Variants in DIAPH2 observed in about 807,000 individuals in gnomAD.
DIAPH2 encodes the protein protein diaphanous homolog 2.
DIAPH2 carries 35 observed loss-of-function variants against 92.7 expected under a neutral mutation model. The observed-to-expected ratio is 0.38, with a 90% CI of 0.29 to 0.50. DIAPH2 has a LOEUF of 0.50. Among genes scored for constraint, DIAPH2 ranks in the 20% least tolerant of loss-of-function variants. The pLI is 0.94. For synonymous variants in DIAPH2, 301 were observed against 280.4 expected, an observed-to-expected ratio of 1.07 and a Z score of -0.73; for missense variants, 701 against 819.5, an observed-to-expected ratio of 0.86 and a Z score of 1.77.
At chrX:96,961,889 G>C (rs945481027) in intron 16 of DIAPH2, among the ~76,000 whole-genome samples, 1 of 109,563 alleles carries the variant, frequency 9.1e-6, no homozygotes, top group South Asian at 3.9e-4. Flanking sequence ...GAAGATACTC[G>C]ATATGATTTT....
At chrX:96,911,252 TG>T (rs2065466952) in intron 5 of DIAPH2, among the ~76,000 whole-genome samples, 1 of 111,228 alleles carries the variant, frequency 9.0e-6, no homozygotes, top group Non-Finnish European at 1.9e-5. Context: ...AGAATGAAGT[TG>T]GGGAATCACC....
intron 1 of DIAPH2, among the ~76,000 whole-genome samples, chrX:96,724,040 C>T (rs1040491647): frequency 1.8e-4 from 19 of 106,479 alleles, no homozygotes; most frequent in African/African-American, 5.9e-4. Context: ...TCTCCTGCCT[C>T]GGCCTCCCAA....
chrX:97,287,017 C>T (rs768248849), intron 23 of DIAPH2, among the ~76,000 whole-genome samples: 12 of 111,562 alleles, frequency 1.1e-4, no homozygotes, highest in African/African-American at 3.9e-4. Flanking sequence ...CTCTTTTCCT[C>T]CACTACATTT....
intron 23 of DIAPH2, among the ~76,000 whole-genome samples, chrX:97,297,293 A>G (rs190565747): frequency 2.7e-4 from 30 of 109,281 alleles, no homozygotes; most frequent in Admixed American, 2.6e-3. Flanking sequence ...GGAGACCTTC[A>G]TTTAGCAGCT....
At chrX:97,011,109 CA>C (rs1237886965) in intron 17 of DIAPH2, among the ~76,000 whole-genome samples, 1 of 112,128 alleles carries the variant, frequency 8.9e-6, no homozygotes, top group African/African-American at 3.2e-5. Context: ...CTGTAATTCC[CA>C]TATTTGCCTA....
chrX:97,136,535 CATG>C (rs1214715352), intron 21 of DIAPH2, among the ~76,000 whole-genome samples: 1 of 111,389 alleles, frequency 9.0e-6, no homozygotes, highest in Non-Finnish European at 1.9e-5. Context: ...AAGGGAGTGA[CATG>C]ATCATATATA....
chrX:97,025,078 C>T (rs995087277), intron 17 of DIAPH2, among the ~76,000 whole-genome samples: 5 of 112,156 alleles, frequency 4.5e-5, no homozygotes, highest in Admixed American at 3.8e-4. Context: ...AGGCTGGGTG[C>T]GGTGGCTCAC....
chrX:97,351,307 C>G (rs1174773025), intron 24 of DIAPH2, among the ~76,000 whole-genome samples: 2 of 112,361 alleles, frequency 1.8e-5, no homozygotes, highest in Non-Finnish European at 3.8e-5. Flanking sequence ...ACTATCCTTT[C>G]CATTAACTAC....
At chrX:97,108,633 G>A (rs2066958575) in intron 20 of DIAPH2, among the ~76,000 whole-genome samples, 1 of 111,605 alleles carries the variant, frequency 9.0e-6, no homozygotes, top group Admixed American at 9.5e-5. Flanking sequence ...AAATTCTGTG[G>A]TTATGATCAA....
At position 97,411,961 on chromosome X, in the gene DIAPH2, T is replaced by TG. The variant is rs2069879398; in HGVS notation, c.3146-17689_3146-17688insG. The stretch of plus-strand genomic sequence containing the variant: ...TCCCACACAATAATAATGGGAGACT[T>TG]TAACACCCCACTGTCAATATTAGAC... On this transcript the variant is annotated intron_variant, in intron 25 of 26. Transcript: ENST00000324765. Among the ~76,000 whole-genome samples, 4 of 111,298 alleles carry TG rather than the reference T, an allele frequency of 3.6e-5. No individual in the cohort carries two copies. The South Asian group carries it at 1.5e-3, about 43-fold the overall frequency.
At chrX:96,704,857 A>G (rs2063874807) in intron 1 of DIAPH2, among the ~76,000 whole-genome samples, 1 of 111,277 alleles carries the variant, frequency 9.0e-6, no homozygotes, top group African/African-American at 3.3e-5. Context: ...TAGGAACAGG[A>G]AAGATTAATA....
intron 23 of DIAPH2, among the ~76,000 whole-genome samples, chrX:97,300,930 T>TCAAAAAAAA (rs2068693109): frequency 1.2e-4 from 1 of 8,591 alleles, no homozygotes; most frequent in African/African-American, 3.9e-4. Flanking sequence ...AGACTCCGTC[T>TCAAAAAAAA]TAAAAAAAAA....
At chrX:97,067,562 A>T (rs1032509046) in intron 17 of DIAPH2, among the ~76,000 whole-genome samples, 1 of 111,811 alleles carries the variant, frequency 8.9e-6, no homozygotes, top group Non-Finnish European at 1.9e-5. Context: ...CCAGCATTAG[A>T]TTCCTCCTCT....
intron 4 of DIAPH2, among the ~76,000 whole-genome samples, chrX:96,806,237 C>G (rs1304262024): frequency 8.9e-6 from 1 of 111,902 alleles, no homozygotes; most frequent in East Asian, 2.8e-4. Flanking sequence ...GGGAATTTTC[C>G]TTTTACTTAT....
intron 26 of DIAPH2, chrX:97,469,860 T>C: frequency 9.0e-7 from 1 of 1,107,024 alleles, no homozygotes; most frequent in Non-Finnish European, 1.2e-6. Flanking sequence ...TGGTGCTCTT[T>C]TCTTTCTGCC....
intron 25 of DIAPH2, among the ~76,000 whole-genome samples, chrX:97,384,301 T>C (rs1003810283): frequency 8.1e-5 from 9 of 111,651 alleles, no homozygotes; most frequent in African/African-American, 2.9e-4. Flanking sequence ...TAGTATATTA[T>C]ATTCTGGATG....
At chrX:96,903,044 C>A (rs1340418994) in intron 5 of DIAPH2, among the ~76,000 whole-genome samples, 4 of 109,968 alleles carry the variant, frequency 3.6e-5, no homozygotes, top group African/African-American at 9.9e-5. Flanking sequence ...TTTGGCACTG[C>A]ACCTGGTAGG....
At chrX:96,853,687 A>G (rs6615873) in intron 4 of DIAPH2, among the ~76,000 whole-genome samples, 14,097 of 111,465 alleles carry the variant, frequency 0.13, 706 homozygotes, top group East Asian at 0.32. Context: ...CAGCTGTAAA[A>G]CTTTCTTAAG....
At chrX:97,462,930 A>G (rs1377242059) in intron 26 of DIAPH2, among the ~76,000 whole-genome samples, 1 of 111,812 alleles carries the variant, frequency 8.9e-6, no homozygotes, top group East Asian at 2.8e-4. Context: ...AATTTTGTAC[A>G]AAAAGTTAAG....
Sources: allele counts gnomAD v4.1 joint callset (sites outside exome capture counted in the v4.1 genomes callset), GRCh38; gene constraint gnomAD v4.1.1; transcripts MANE v1.5; gene names NCBI Gene and HGNC (gene_info 2026-07-23, HGNC 2026-07-21).